Variants in ZNF518A observed in about 807,000 individuals in gnomAD.
ZNF518A encodes zinc finger protein 518.
A neutral mutation model predicts 102.7 loss-of-function variants in ZNF518A; 47 were observed. The observed-to-expected ratio is 0.46, with a 90% CI of 0.36 to 0.58. The LOEUF (loss-of-function observed/expected upper bound fraction) is 0.58. ZNF518A is among the 20% of genes least tolerant of loss of function. The pLI is 0.00. For missense variants in ZNF518A, 1,793 were observed against 1,699.8 expected, an observed-to-expected ratio of 1.05 and a Z score of -0.96; for synonymous variants, 652 against 594.6, an observed-to-expected ratio of 1.10 and a Z score of -1.40.
Position 96,200,877 on chromosome 10 carries a change from G to T in ZNF518A, n.36-2697G>T. 9.8e-7 allele frequency: 1 copy of T among 1,024,888 alleles called. No homozygotes were observed. Among genetic ancestry groups the T allele is most frequent in the Non-Finnish European group, 1.6e-6 (1 of 644,672 alleles). 63.5% of individuals were successfully genotyped at this position (1,024,888 alleles called of 1,614,324 possible). ...AGTTCACATAATGATGTAAAATACA[G>T]TCTCTGTTCTCAAGGTTCACTCCAA... On this transcript the variant is annotated intron_variant and non_coding_transcript_variant, in intron 1 of 2. Transcript: ENST00000442635. This position sits in a 1 kb window ranked among gnomAD's most constrained non-coding sequence, Gnocchi z 4.3.
Position 96,156,568 on chromosome 10 carries a change from A to G in ZNF518A, c.246A>G (p.Arg82=), listed in dbSNP as rs899248000. 3 of 1,613,198 alleles carry G rather than the reference A, an allele frequency of 1.9e-6. No homozygotes were observed. Among genetic ancestry groups the G allele is most frequent in the Non-Finnish European group, 1.7e-6 (2 of 1,179,620 alleles). ...TTCAGAGTAAACAGCAGACTGCAAG[A>G]AAATCTATCAGTATAAAGACTGTAA... ...KLFQSKQQTA[R]KSISIKTVSC... is the part of the protein sequence containing the mutation. The change falls in exon 6 of 6, where the codon AGA becomes AGG. Residue 82 remains arginine (R), a synonymous_variant. Coordinates refer to ENST00000316045, the MANE Select transcript of ZNF518A (RefSeq NM_001330736.2).
chr10:96,140,822 T>G (rs2081883938), intron 3 of ZNF518A, among the ~76,000 whole-genome samples: 1 of 151,588 alleles, frequency 6.6e-6, no homozygotes, highest in Admixed American at 6.6e-5. Context: ...ATACCTATAG[T>G]CCCAGCTACT....
chr10:96,163,701 CAT>C lies in ZNF518A; in HGVS notation c.*2929_*2930del, dbSNP rs2083083540. ...CAATTCTCATAATGCAGAAAAAAACCATAGACAATATGTAAATGAATTAGTGT... is the reference window on the plus strand; with the variant it reads ...CAATTCTCATAATGCAGAAAAAAACCAGACAATATGTAAATGAATTAGTGT... On this transcript the variant is annotated 3_prime_UTR_variant, in exon 6 of 6. Coordinates refer to ENST00000316045, the MANE Select transcript of ZNF518A (RefSeq NM_001330736.2). 6.0e-6 allele frequency: 1 copy of C among 166,632 alleles called. No homozygotes were observed. The highest frequency in any genetic ancestry group is 1.5e-5 in the Non-Finnish European group (1 of 68,024). The allele number at this position is 166,632 out of a possible 1,614,324, so 10.3% of individuals were successfully genotyped here. A position where few individuals can be genotyped will look rare whatever the true frequency, so the allele number is the denominator to read the frequency against.
chr10:96,182,710 C>T (rs2083247403), intron 1 of ZNF518A, among the ~76,000 whole-genome samples: 1 of 152,152 alleles, frequency 6.6e-6, no homozygotes, highest in Admixed American at 6.5e-5. Flanking sequence ...TTTTGATGTG[C>T]TGCTGGATTC....
At chr10:96,145,997 G>A (rs1375140420) in intron 3 of ZNF518A, among the ~76,000 whole-genome samples, 2 of 152,088 alleles carry the variant, frequency 1.3e-5, no homozygotes, top group African/African-American at 2.4e-5. Flanking sequence ...GAACATTTTT[G>A]TATGTGTATT....
chr10:96,133,291 G>A (rs1439157105), intron 2 of ZNF518A, among the ~76,000 whole-genome samples: 1 of 152,094 alleles, frequency 6.6e-6, no homozygotes, highest in Non-Finnish European at 1.5e-5. Context: ...TAAGTGCAAA[G>A]CAATGTACCT....
rs1436143562 is a variant in ZNF518A at position 96,162,545 on chromosome 10, T to G, written c.*1771T>G. 1 of 166,908 alleles carries G rather than the reference T, an allele frequency of 6.0e-6. No individual in the cohort carries two copies. The allele number at this position is 166,908 out of a possible 1,614,324, so 10.3% of individuals were successfully genotyped here. A position where few individuals can be genotyped will look rare whatever the true frequency, so the allele number is the denominator to read the frequency against. On this transcript the variant is annotated 3_prime_UTR_variant, in exon 6 of 6. Coordinates refer to ENST00000316045, the MANE Select transcript of ZNF518A (RefSeq NM_001330736.2). ...TTATACTTGTACTGTTTTGTGCAGT[T>G]TGTCTACTTTCTTAGTGAAGTATTT... is the stretch of plus-strand genomic sequence containing the variant.
At chr10:96,191,233 C>T (rs1458635594) in intron 1 of ZNF518A, among the ~76,000 whole-genome samples, 1 of 106,610 alleles carries the variant, frequency 9.4e-6, no homozygotes, top group Non-Finnish European at 2.0e-5. Context: ...TCCATTAAAC[C>T]TCTTTTTTTT....
At chr10:96,179,604 A>C (rs1168753967) in intron 1 of ZNF518A, among the ~76,000 whole-genome samples, 2 of 152,224 alleles carry the variant, frequency 1.3e-5, no homozygotes, top group Non-Finnish European at 2.9e-5. Flanking sequence ...TATGTGACCC[A>C]GGATTATACT....
In ZNF518A at chr10:96,157,502, A is replaced by G. The variant is rs782808053; in HGVS notation, c.1180A>G (p.Thr394Ala). The change falls in exon 6 of 6, where the codon ACT becomes GCT. Residue 394 changes from threonine to alanine, a missense_variant. Transcript: ENST00000316045. Reference protein sequence around the residue: ...KAPESESEKPTPLSTGQGNRA... With the variant: ...KAPESESEKPAPLSTGQGNRA... The stretch of plus-strand genomic sequence containing the variant: ...CCCTGAATCAGAGTCAGAGAAGCCA[A>G]CTCCTCTGTCCACTGGGCAAGGTAA... 9.9e-6 allele frequency: 16 copies of G among 1,613,672 alleles called. No individual in the cohort carries two copies. The highest frequency in any genetic ancestry group is 9.9e-5 in the South Asian group (9 of 91,074).
chr10:96,132,856 G>A (rs1554872682), intron 2 of ZNF518A, 186 bp downstream of exon 2: 1 of 151,984 alleles, frequency 6.6e-6, no homozygotes, highest in East Asian at 1.9e-4. Context: ...TTTGGATTTT[G>A]AATTTTTGGA....
chr10:96,134,435 T>C (rs1297173342), intron 3 of ZNF518A, among the ~76,000 whole-genome samples: 1 of 152,194 alleles, frequency 6.6e-6, no homozygotes, highest in Non-Finnish European at 1.5e-5. Context: ...GGCTTCGCCA[T>C]GTTGGCCAGG....
chr10:96,142,693 A>G (rs894074433), intron 3 of ZNF518A, among the ~76,000 whole-genome samples: 1 of 152,092 alleles, frequency 6.6e-6, no homozygotes, highest in East Asian at 1.9e-4. Context: ...GAAAGCAAAT[A>G]TAACTGTCTA....
chr10:96,150,788 T>TGTCACC (rs1564759999), intron 3 of ZNF518A, among the ~76,000 whole-genome samples: 23 of 108,882 alleles, frequency 2.1e-4, no homozygotes, highest in African/African-American at 7.9e-4. Context: ...ACTCTGTCAC[T>TGTCACC]CAGCCTGGAG....
chr10:96,135,722 T>C (rs886326606), intron 3 of ZNF518A, among the ~76,000 whole-genome samples: 2 of 152,246 alleles, frequency 1.3e-5, no homozygotes, highest in Non-Finnish European at 2.9e-5. Flanking sequence ...ACTGTGGTGC[T>C]TGGCATCTAA....
At chr10:96,141,401 T>C (rs1205689606) in intron 3 of ZNF518A, among the ~76,000 whole-genome samples, 2 of 152,092 alleles carry the variant, frequency 1.3e-5, no homozygotes, top group Non-Finnish European at 2.9e-5. Context: ...TGAATTTAGA[T>C]AGAAGGAAGG....
chr10:96,159,175 A>T lies in ZNF518A; in HGVS notation c.2853A>T (p.Pro951=). 6.2e-7 allele frequency: 1 copy of T among 1,613,826 alleles called. No homozygotes were observed. Among genetic ancestry groups the T allele is most frequent in the East Asian group, 2.2e-5 (1 of 44,884 alleles). The stretch of plus-strand genomic sequence containing the variant: ...ACATTACTAACAAGCCTGGGCTACC[A>T]GTTATTCCTGGAAATGCACTTCCAT... ...PLNITNKPGL[P]VIPGNALPLV... Residue 951 remains proline (P), a synonymous_variant, in exon 6 of 6, where the codon CCA becomes CCT. Coordinates refer to ENST00000316045, the MANE Select transcript of ZNF518A (RefSeq NM_001330736.2).
chr10:96,159,627 A>G lies in ZNF518A; in HGVS notation c.3305A>G (p.Lys1102Arg), dbSNP rs1445801862. The G allele has an allele frequency of 9.9e-6, 16 of 1,613,724 alleles. No homozygotes were observed. The highest frequency in any genetic ancestry group is 1.4e-5 in the Non-Finnish European group (16 of 1,179,796). Reference sequence around the variant, plus strand: ...CTTTATACCTTCTTGCCTGATGGCAAACAAGCTGTTTTTTTAAAGTGTGTG... The same window carrying G: ...CTTTATACCTTCTTGCCTGATGGCAGACAAGCTGTTTTTTTAAAGTGTGTG... ...PPLYTFLPDGKQAVFLKCVMP... is the reference protein window; with the variant it reads ...PPLYTFLPDGRQAVFLKCVMP... Residue 1102 changes from lysine (K) to arginine (R), a missense_variant, in exon 6 of 6, where the codon AAA (lysine) becomes AGA (arginine). Lys to Arg is a conservative substitution (Grantham distance 26, BLOSUM62 2). Transcript: ENST00000316045.
At position 96,159,290 on chromosome 10, in the gene ZNF518A, G is replaced by A. The variant is rs1162851297; in HGVS notation, c.2968G>A (p.Val990Ile). The change falls in exon 6 of 6, where the codon GTT (valine) becomes ATT (isoleucine). Residue 990 changes from valine (V) to isoleucine (I), a missense_variant. This residue lies in a region of ZNF518A where 1,741 missense variants were observed against 1,622.6 expected (regional missense o/e 1.07). Coordinates refer to ENST00000316045, the MANE Select transcript of ZNF518A (RefSeq NM_001330736.2). ...ACTTAATAATGGGAAACTTGAAGGT[G>A]TTTCCGCTGTCAAAACCGAGGGTGC... ...LTLNNGKLEG[V>I]SAVKTEGAPA... The A allele has an allele frequency of 1.9e-6, 3 of 1,613,366 alleles. No homozygotes were observed. Among genetic ancestry groups the A allele is most frequent in the South Asian group, 1.1e-5 (1 of 90,936 alleles).
Sources: gnomAD v4.1 joint callset for allele counts (sites outside exome capture counted in the v4.1 genomes callset) on GRCh38, gnomAD v4.1.1 for gene constraint, gnomAD v4.1.1 regional missense constraint, Gnocchi (gnomAD v3.1) non-coding constraint, MANE v1.5 for transcripts, NCBI Gene and HGNC (gene_info 2026-07-23, HGNC 2026-07-21) for gene names.